The following SOX6 variants were observed in gnomAD, a reference collection of about 807,000 sequenced individuals.
The protein encoded by SOX6 is SRY-box transcription factor 6.
A neutral mutation model predicts 97.8 loss-of-function variants in SOX6; 11 were observed. The observed-to-expected ratio is 0.11, with a 90% CI of 0.07 to 0.19. The LOEUF is 0.19. Ranked by LOEUF, SOX6 falls within the 10% of genes least tolerant of loss-of-function variation. The pLI is 1.00. For missense variants in SOX6, 810 were observed against 1,039.5 expected (o/e 0.78, Z 3.04); for synonymous variants, 360 against 371.4 (o/e 0.97, Z 0.35).
At chr11:16,546,043 T>C (rs1847617642) in intron 4 of SOX6, among the ~76,000 whole-genome samples, 1 of 151,890 alleles carries the variant, frequency 6.6e-6, no homozygotes, top group Non-Finnish European at 1.5e-5. Context: ...CAGTAGCAAT[T>C]CTATGCACCA....
chr11:16,642,840 T>C (rs1435742618), intron 3 of SOX6, among the ~76,000 whole-genome samples: 1 of 152,206 alleles, frequency 6.6e-6, no homozygotes, highest in Non-Finnish European at 1.5e-5. Context: ...GGTTTTTAAC[T>C]TCTTTGCCAT....
At chr11:16,419,741 C>A (rs1238078551) in intron 1 of SOX6, among the ~76,000 whole-genome samples, 1 of 151,940 alleles carries the variant, frequency 6.6e-6, no homozygotes, top group Non-Finnish European at 1.5e-5. Flanking sequence ...CTCGGGGCAA[C>A]CTGATATTTT....
At chr11:16,450,725 C>T (rs549006999) in intron 1 of SOX6, among the ~76,000 whole-genome samples, 3 of 152,194 alleles carry the variant, frequency 2.0e-5, no homozygotes, top group South Asian at 2.1e-4. Context: ...ATCATAAAGT[C>T]GCCAAATATA....
At chr11:16,131,553 A>C (rs545939240) in intron 6 of SOX6, among the ~76,000 whole-genome samples, 1 of 152,106 alleles carries the variant, frequency 6.6e-6, no homozygotes, top group Non-Finnish European at 1.5e-5. Flanking sequence ...TCTTAAAGAA[A>C]CACAATTTCC....
chr11:16,669,467 A>G (rs777277788), intron 3 of SOX6, among the ~76,000 whole-genome samples: 3 of 152,202 alleles, frequency 2.0e-5, no homozygotes, highest in Non-Finnish European at 4.4e-5. Flanking sequence ...CAGCAGCCCT[A>G]CAGAAAAGTG....
chr11:16,599,248 G>T (rs959197200), intron 4 of SOX6, among the ~76,000 whole-genome samples: 12 of 152,116 alleles, frequency 7.9e-5, no homozygotes, highest in African/African-American at 2.9e-4. Context: ...ATACATCAAT[G>T]AATTCCTCGC....
chr11:16,345,012 T>C (rs1464965419), intron 1 of SOX6, among the ~76,000 whole-genome samples: 1 of 152,008 alleles, frequency 6.6e-6, no homozygotes, highest in African/African-American at 2.4e-5. Context: ...TGCTGAAGCA[T>C]GAAAAATTTA....
At chr11:16,321,794 C>T (rs1034596374) in intron 2 of SOX6, among the ~76,000 whole-genome samples, 12 of 152,036 alleles carry the variant, frequency 7.9e-5, no homozygotes, top group Non-Finnish European at 1.6e-4. Context: ...TAAAAACAAA[C>T]GGCTTAAGTC....
chr11:16,042,252 G>T (rs183641215), intron 12 of SOX6, among the ~76,000 whole-genome samples: 168 of 152,230 alleles, frequency 1.1e-3, no homozygotes, highest in Non-Finnish European at 1.4e-3. Context: ...GTCTTTCTAT[G>T]ACTGCTGTTG....
chr11:16,007,828 A>G (rs1178737012), intron 13 of SOX6, among the ~76,000 whole-genome samples: 1 of 152,134 alleles, frequency 6.6e-6, no homozygotes, highest in Non-Finnish European at 1.5e-5. Flanking sequence ...TGAAGCAGAC[A>G]TACATACTGC....
intron 1 of SOX6, among the ~76,000 whole-genome samples, chr11:16,474,564 A>G (rs1464128075): frequency 6.6e-6 from 1 of 152,178 alleles, no homozygotes; most frequent in Non-Finnish European, 1.5e-5. Context: ...TCAATGAGAA[A>G]TAACATCTCT....
At chr11:16,234,779 C>A in intron 3 of SOX6, 108 bp from the exon 4 acceptor site, 1 of 605,962 alleles carries the variant, frequency 1.7e-6, no homozygotes, top group Non-Finnish European at 2.8e-6. Context: ...GTTTTTGTTG[C>A]TGTAGCTTGA....
At chr11:16,661,377 A>T (rs189912122) in intron 3 of SOX6, among the ~76,000 whole-genome samples, 37 of 152,230 alleles carry the variant, frequency 2.4e-4, no homozygotes, top group Non-Finnish European at 4.7e-4. Flanking sequence ...TAATTGGGTC[A>T]TTTTTCTACC....
chr11:16,307,378 T>G (rs2134283776), intron 3 of SOX6, among the ~76,000 whole-genome samples: 1 of 152,320 alleles, frequency 6.6e-6, no homozygotes, highest in Middle Eastern at 3.4e-3. Flanking sequence ...GGGTCAAGGC[T>G]TAAGAGTTAA....
At chr11:16,658,072 C>T (rs979875370) in intron 3 of SOX6, among the ~76,000 whole-genome samples, 1 of 152,056 alleles carries the variant, frequency 6.6e-6, no homozygotes, top group South Asian at 2.1e-4. Flanking sequence ...AAGATAATGC[C>T]GAACATTTTT....
rs748063841 is a variant in SOX6 at position 16,039,403 on chromosome 11, T to A, written c.1623+7111A>T. Among the ~76,000 whole-genome samples the A allele has an allele frequency of 2.6e-5, 4 of 152,094 alleles. No homozygotes were observed. The East Asian group carries it at 5.8e-4, about 22-fold the overall frequency. On this transcript the variant is annotated intron_variant, in intron 12 of 15. Transcript: ENST00000683767. ...AGGTGAATACAATTAAAACACATAA[T>A]GCAGGTGTATGTATTACATGATCTA...
intron 12 of SOX6, among the ~76,000 whole-genome samples, chr11:16,045,526 T>C (rs1384620574): frequency 2.6e-5 from 4 of 152,164 alleles, no homozygotes; most frequent in Admixed American, 2.0e-4. Flanking sequence ...GGGATTCCCA[T>C]CACACTCAGA....
At chr11:16,421,226 G>T (rs1859016499) in intron 1 of SOX6, among the ~76,000 whole-genome samples, 1 of 152,034 alleles carries the variant, frequency 6.6e-6, no homozygotes, top group Non-Finnish European at 1.5e-5. Flanking sequence ...GCACATCATT[G>T]TTAAGCAAGA....
chr11:16,620,488 G>T (rs531006232), intron 3 of SOX6, among the ~76,000 whole-genome samples: 1 of 152,242 alleles, frequency 6.6e-6, no homozygotes, highest in South Asian at 2.1e-4. Flanking sequence ...ATGTTGCCCT[G>T]GTTGGAATCA....
Sources: allele counts gnomAD v4.1 joint callset (sites outside exome capture counted in the v4.1 genomes callset), GRCh38; gene constraint gnomAD v4.1.1; transcripts MANE v1.5; gene names NCBI Gene and HGNC (gene_info 2026-07-23, HGNC 2026-07-21).